PEAK1: variants seen among roughly 807,000 people sequenced by gnomAD.
PEAK1 encodes pseudopodium enriched atypical kinase 1.
In PEAK1, 54 loss-of-function variants were observed where a neutral mutation model predicts 124.7. The ratio of observed to expected loss-of-function variants is 0.43; its 90% CI spans 0.35 to 0.54. PEAK1 has a LOEUF of 0.54. Among genes scored for constraint, PEAK1 ranks in the 20% least tolerant of loss-of-function variants. The pLI is 0.01. For missense variants in PEAK1, 2,046 were observed against 2,134.5 expected, an observed-to-expected ratio of 0.96 and a Z score of 0.82; for synonymous variants, 719 against 760.0, an observed-to-expected ratio of 0.95 and a Z score of 0.89.
chr15:77,181,593 T>G lies in PEAK1; in HGVS notation c.334A>C (p.Ser112Arg). Reference protein sequence around the residue: ...IGWNRNRAALSQKPLNNNNED... With the variant: ...IGWNRNRAALRQKPLNNNNED... ...TTATTATTGTTAAGTGGTTTCTGACTCAAGGCAGCTCTGTTTCGGTTCCAC... is the reference window on the plus strand; with the variant it reads ...TTATTATTGTTAAGTGGTTTCTGACGCAAGGCAGCTCTGTTTCGGTTCCAC... Residue 112 changes from serine (S) to arginine (R), a missense_variant, in exon 7 of 10, where the codon AGT becomes CGT. Transcript: ENST00000682557. The G allele has an allele frequency of 3.1e-6, 5 of 1,614,170 alleles. No homozygotes were observed. The highest frequency in any genetic ancestry group is 4.2e-6 in the Non-Finnish European group (5 of 1,180,018).
rs1360776920 is a variant in PEAK1, at chr15:77,133,079, A to G, written c.4003T>C (p.Cys1335Arg). 38 of 1,614,060 alleles carry G rather than the reference A, an allele frequency of 2.4e-5. No homozygotes were observed. Among genetic ancestry groups the G allele is most frequent in the Admixed American group, 3.3e-5 (2 of 60,008 alleles). Reference protein sequence around the residue: ...SDFRLTSDKPCCEAGDAVYYT... With the variant: ...SDFRLTSDKPRCEAGDAVYYT... ...TAAACCGCATCACCTGCCTCACAAC[A>G]TGGTTTGTCACTGGTTAGCCTGAAG... is the stretch of plus-strand genomic sequence containing the variant. Residue 1335 changes from cysteine (C) to arginine (R), a missense_variant, in exon 9 of 10, where the codon TGT becomes CGT. Cys to Arg is a radical substitution (Grantham distance 180). Coordinates refer to ENST00000682557, the MANE Select transcript of PEAK1 (RefSeq NM_001385026.1). The surrounding 1 kb of genome is among the most constrained non-coding windows in gnomAD (Gnocchi z 4.2).
intron 2 of PEAK1, among the ~76,000 whole-genome samples, chr15:77,295,065 TAATA>T (rs1330830114): frequency 1.6e-4 from 24 of 152,106 alleles, no homozygotes; most frequent in Admixed American, 1.6e-3. Context: ...TTAAATCGAG[TAATA>T]AATAAAACAG....
Position 77,133,323 on chromosome 15 carries a change from G to C in PEAK1, c.3759C>G (p.Ser1253=). The change falls in exon 9 of 10, where the codon TCC becomes TCG. Residue 1253 remains serine (S), a synonymous_variant. Transcript: ENST00000682557. This position sits in a 1 kb window ranked among gnomAD's most constrained non-coding sequence, Gnocchi z 4.2. The part of the protein sequence containing the change: ...IKDRFSNSME[S]LSSRRGPSCR... ...AAGAGGGCCCACGCCGGCTGGAGAGGGATTCCATGCTGTTGGAAAATCTAT... is the reference window on the plus strand; with the variant it reads ...AAGAGGGCCCACGCCGGCTGGAGAGCGATTCCATGCTGTTGGAAAATCTAT... 6.2e-7 allele frequency: 1 copy of C among 1,614,240 alleles called. No individual in the cohort carries two copies. The highest frequency in any genetic ancestry group is 8.5e-7 in the Non-Finnish European group (1 of 1,180,040).
chr15:77,402,275 T>C, intron 1 of PEAK1: 1 of 984,784 alleles, frequency 1.0e-6, no homozygotes, highest in Non-Finnish European at 1.2e-6. Context: ...AGGTTTTCAG[T>C]AATAGAATTG....
chr15:77,199,204 T>A (rs957515389), intron 6 of PEAK1, among the ~76,000 whole-genome samples: 1 of 152,206 alleles, frequency 6.6e-6, no homozygotes, highest in African/African-American at 2.4e-5. Context: ...TCCAGATTGG[T>A]TCCATCAATG....
intron 7 of PEAK1, among the ~76,000 whole-genome samples, chr15:77,170,711 G>A (rs557767811): frequency 2.6e-5 from 4 of 152,254 alleles, no homozygotes; most frequent in Non-Finnish European, 5.9e-5. Flanking sequence ...CTCAAAATAT[G>A]TCCGTAAGGT....
chr15:77,389,811 T>C (rs1408471522), intron 1 of PEAK1, among the ~76,000 whole-genome samples: 4 of 152,108 alleles, frequency 2.6e-5, no homozygotes, highest in Non-Finnish European at 5.9e-5. Flanking sequence ...CCCTAGAAGG[T>C]AGTAAAATCT....
intron 5 of PEAK1, among the ~76,000 whole-genome samples, chr15:77,270,909 CA>C (rs1209948285): frequency 6.6e-6 from 1 of 152,118 alleles, no homozygotes. Flanking sequence ...GCAATGGCAA[CA>C]AAAGCCAAAA....
At chr15:77,299,994 C>G (rs972850013) in intron 2 of PEAK1, among the ~76,000 whole-genome samples, 10 of 152,158 alleles carry the variant, frequency 6.6e-5, no homozygotes, top group African/African-American at 2.4e-4. Context: ...CTTCTGCATC[C>G]TTTAGATATA....
chr15:77,261,135 C>A (rs916580581), intron 5 of PEAK1, among the ~76,000 whole-genome samples: 1 of 152,142 alleles, frequency 6.6e-6, no homozygotes, highest in Admixed American at 6.5e-5. Flanking sequence ...TCACCATCAT[C>A]AAAGACCAAA....
intron 1 of PEAK1, chr15:77,403,729 T>C (rs2071566811): frequency 3.2e-6 from 3 of 952,006 alleles, no homozygotes; most frequent in Non-Finnish European, 2.5e-6. Flanking sequence ...ATTATCTCCA[T>C]CTTACAGGAA....
chr15:77,321,345 C>T (rs1370056069), intron 2 of PEAK1, among the ~76,000 whole-genome samples: 7 of 152,086 alleles, frequency 4.6e-5, no homozygotes, highest in Non-Finnish European at 7.4e-5. Context: ...TTTTAATGAT[C>T]GCCATTCTAA....
intron 2 of PEAK1, chr15:77,347,487 A>C (rs1448761666): frequency 1.0e-6 from 1 of 985,276 alleles, no homozygotes; most frequent in Admixed American, 6.1e-5. Flanking sequence ...CACCTGGACA[A>C]GGTGATATCT....
chr15:77,297,855 G>A (rs193137281), intron 2 of PEAK1, among the ~76,000 whole-genome samples: 9,448 of 149,058 alleles, frequency 0.063, 413 homozygotes, highest in Middle Eastern at 0.13. Context: ...TCAGGAGATC[G>A]AGACCATCCT....
At chr15:77,221,923 G>T (rs1316370489) in intron 6 of PEAK1, among the ~76,000 whole-genome samples, 1 of 152,080 alleles carries the variant, frequency 6.6e-6, no homozygotes, top group African/African-American at 2.4e-5. Context: ...CAAGGTGCCA[G>T]CTGTGTTCCT....
In PEAK1 at chr15:77,179,678, T is replaced by C. The variant is rs1278913330; in HGVS notation, c.2249A>G (p.Glu750Gly). 3 of 1,613,938 alleles carry C rather than the reference T, an allele frequency of 1.9e-6. No individual in the cohort carries two copies. Among genetic ancestry groups the C allele is most frequent in the Non-Finnish European group, 2.5e-6 (3 of 1,179,990 alleles). Residue 750 changes from glutamate (E) to glycine (G), a missense_variant, in exon 7 of 10, where the codon GAG (glutamate) becomes GGG (glycine). By Grantham distance (98) the Glu-to-Gly change is moderately conservative (BLOSUM62 -2). Coordinates refer to ENST00000682557, the MANE Select transcript of PEAK1 (RefSeq NM_001385026.1). ...GCTGCTGCTGCCCACCATCTGAGAC[T>C]CCTGAGTGCCTTCTATTTTGGCCAC... ...EPVAKIEGTQESQMVGSSSTR... is the reference protein window; with the variant it reads ...EPVAKIEGTQGSQMVGSSSTR...
Position 77,252,524 on chromosome 15 carries a change from T to C in PEAK1, c.-272A>G. Reference sequence around the variant, plus strand: ...CCTTAATTTCTGAAGATAGCAATGTTTACTGCAAGAGAAAAAAAATAGAGC... The same window carrying C: ...CCTTAATTTCTGAAGATAGCAATGTCTACTGCAAGAGAAAAAAAATAGAGC... On this transcript the variant is annotated splice_region_variant and 5_prime_UTR_variant, in exon 6 of 10. Coordinates refer to ENST00000682557, the MANE Select transcript of PEAK1 (RefSeq NM_001385026.1). 1 of 984,164 alleles carries C rather than the reference T, an allele frequency of 1.0e-6. No homozygotes were observed. The highest frequency in any genetic ancestry group is 1.2e-6 in the Non-Finnish European group (1 of 828,828). The allele number at this position is 984,164 out of a possible 1,614,324, so 61.0% of individuals were successfully genotyped here. A position where few individuals can be genotyped will look rare whatever the true frequency, so the allele number is the denominator to read the frequency against.
In PEAK1 at chr15:77,252,357, T is replaced by C; in HGVS notation, c.-115+10A>G. 1.0e-6 allele frequency: 1 copy of C among 983,892 alleles called. No individual in the cohort carries two copies. Among genetic ancestry groups the C allele is most frequent in the Non-Finnish European group, 1.2e-6 (1 of 828,532 alleles). The allele number at this position is 983,892 out of a possible 1,614,324, so 60.9% of individuals were successfully genotyped here. On this transcript the variant is annotated intron_variant, in intron 6 of 9. Coordinates refer to ENST00000682557, the MANE Select transcript of PEAK1 (RefSeq NM_001385026.1). ...GTGGAAATGTAACATGTTAGGAGAATTCTGCTTACTATTTAAATCTGAAGC... is the reference window on the plus strand; with the variant it reads ...GTGGAAATGTAACATGTTAGGAGAACTCTGCTTACTATTTAAATCTGAAGC...
At chr15:77,370,773 T>C in intron 1 of PEAK1, 1 of 978,966 alleles carries the variant, frequency 1.0e-6, no homozygotes, top group Non-Finnish European at 1.2e-6. Flanking sequence ...GACTCATGCC[T>C]GTAATCTCAA....
Sources: allele counts gnomAD v4.1 joint callset (sites outside exome capture counted in the v4.1 genomes callset), GRCh38; gene constraint gnomAD v4.1.1; non-coding constraint Gnocchi (gnomAD v3.1); transcripts MANE v1.5; gene names NCBI Gene and HGNC (gene_info 2026-07-23, HGNC 2026-07-21).